The following RMND5A variants were observed in gnomAD, a reference collection of about 807,000 sequenced individuals.
RMND5A encodes E3 ubiquitin-protein transferase RMND5A.
RMND5A carries 17 observed loss-of-function variants against 49.7 expected under a neutral mutation model. The observed-to-expected ratio is 0.34, with a 90% confidence interval of 0.23 to 0.51. The LOEUF (loss-of-function observed/expected upper bound fraction) is 0.51. RMND5A is among the 20% of genes least tolerant of loss of function. The pLI, the probability that RMND5A is intolerant of heterozygous loss-of-function variation, is 0.96. For missense variants in RMND5A, 255 were observed against 471.3 expected, an observed-to-expected ratio of 0.54 and a Z score of 4.25; for synonymous variants, 156 against 167.7, an observed-to-expected ratio of 0.93 and a Z score of 0.54.
At chr2:86,755,378 G>GC in intron 4 of RMND5A, among the ~76,000 whole-genome samples, 1 of 152,220 alleles carries the variant, frequency 6.6e-6, no homozygotes, top group East Asian at 1.9e-4. Flanking sequence ...AGCGTCAGCT[G>GC]CCCGAAGTAC....
rs78853194 is a variant in RMND5A, at chr2:86,757,964, A to G, written c.521+4406A>G. 4.2e-3 allele frequency among the ~76,000 whole-genome samples: 646 copies of G among 152,296 alleles called. 7 individuals carry two copies. Among genetic ancestry groups the G allele is most frequent in the African/African-American group, 0.015 (618 of 41,556 alleles). On this transcript the variant is annotated intron_variant, in intron 4 of 8. Coordinates refer to ENST00000283632, the MANE Select transcript of RMND5A (RefSeq NM_022780.4). ...GGAACAAGAGGAGATTGTTCTAGAA[A>G]ATGTTCAAAGTTCTCAGGCTAAAAT...
At chr2:86,771,310 G>A in intron 7 of RMND5A, 1 of 380,054 alleles carries the variant, frequency 2.6e-6, no homozygotes, top group South Asian at 7.4e-5. Flanking sequence ...CATTAGAGGT[G>A]GTGATCAGGT....
intron 4 of RMND5A, among the ~76,000 whole-genome samples, chr2:86,762,114 G>A (rs1253541339): frequency 6.6e-6 from 1 of 152,140 alleles, no homozygotes; most frequent in Non-Finnish European, 1.5e-5. Context: ...ATTAATACAT[G>A]TTCATTACAG....
At chr2:86,720,968 T>C (rs1356926861) in intron 1 of RMND5A, 159 bp downstream of exon 1, 6 of 578,408 alleles carry the variant, frequency 1.0e-5, no homozygotes, top group African/African-American at 2.0e-5. Context: ...TTTTCCCCTC[T>C]TCGTCCGATT....
At chr2:86,757,240 G>A (rs1049018055) in intron 4 of RMND5A, among the ~76,000 whole-genome samples, 1 of 151,076 alleles carries the variant, frequency 6.6e-6, no homozygotes, top group Non-Finnish European at 1.5e-5. Flanking sequence ...GAGGGCCTAG[G>A]GGAATGGTGA....
chr2:86,747,859 T>G (rs774313498), intron 2 of RMND5A, among the ~76,000 whole-genome samples: 2 of 152,188 alleles, frequency 1.3e-5, no homozygotes, highest in Non-Finnish European at 2.9e-5. Context: ...GTATCAAAGT[T>G]ATTTACTCCT....
At chr2:86,754,008 T>A (rs1322774882) in intron 4 of RMND5A, among the ~76,000 whole-genome samples, 1 of 152,248 alleles carries the variant, frequency 6.6e-6, no homozygotes, top group Non-Finnish European at 1.5e-5. Flanking sequence ...ACTCTATTCT[T>A]AATTACTGTG....
rs758020688 is a variant in RMND5A at position 86,774,075 on chromosome 2, C to T, written c.*664C>T. Reference sequence around the variant, plus strand: ...TAACTGGCTGGTGTGAGAAGTCTTCCGTTAGCATAGAGTGGAAGGAGTACT... The same window carrying T: ...TAACTGGCTGGTGTGAGAAGTCTTCTGTTAGCATAGAGTGGAAGGAGTACT... On this transcript the variant is annotated 3_prime_UTR_variant, in exon 9 of 9. Coordinates refer to ENST00000283632, the MANE Select transcript of RMND5A (RefSeq NM_022780.4). The T allele has an allele frequency of 2.6e-5, 4 of 152,584 alleles. No homozygotes were observed. The highest frequency in any genetic ancestry group is 1.3e-4 in the Admixed American group (2 of 15,284). 9.5% of individuals were successfully genotyped at this position (152,584 alleles called of 1,614,324 possible). A position where few individuals can be genotyped will look rare whatever the true frequency, so the allele number is the denominator to read the frequency against.
chr2:86,758,539 AT>A (rs1286376685), intron 4 of RMND5A, among the ~76,000 whole-genome samples: 1 of 152,202 alleles, frequency 6.6e-6, no homozygotes, highest in African/African-American at 2.4e-5. Context: ...ATGTTGTCCA[AT>A]ATGGTGACCA....
intron 2 of RMND5A, among the ~76,000 whole-genome samples, chr2:86,750,484 T>C (rs889119307): frequency 8.2e-6 from 1 of 122,510 alleles, no homozygotes; most frequent in Non-Finnish European, 1.7e-5. Flanking sequence ...ATTTGAATCA[T>C]GGTTCCCCTG....
chr2:86,767,435 T>TAGTC lies in RMND5A; in HGVS notation c.854+1411_854+1412insAGTC, dbSNP rs1672619215. Among the ~76,000 whole-genome samples the TAGTC allele has an allele frequency of 4.5e-4, 7 of 15,630 alleles. No individual in the cohort carries two copies. The Admixed American group carries it at 5.3e-3, about 12-fold the overall frequency. 10.3% of individuals were successfully genotyped at this position (15,630 alleles called of 152,430 possible). A position where few individuals can be genotyped will look rare whatever the true frequency, so the allele number is the denominator to read the frequency against. On this transcript the variant is annotated intron_variant, in intron 6 of 8. Coordinates refer to ENST00000283632, the MANE Select transcript of RMND5A (RefSeq NM_022780.4). ...CAGGTTTTTGGCAGTCTTTTTTTTT[T>TAGTC]TTTTTTTTTTTGTCTTTTTTCTTAA...
intron 8 of RMND5A, among the ~76,000 whole-genome samples, 189 bp from the exon 9 acceptor site, chr2:86,773,159 A>T (rs1239177778): frequency 6.6e-6 from 1 of 152,204 alleles, no homozygotes; most frequent in Non-Finnish European, 1.5e-5. Flanking sequence ...TGTATTTGTG[A>T]CCCTTCAAAT....
At chr2:86,764,177 G>T (rs1030755402) in intron 4 of RMND5A, among the ~76,000 whole-genome samples, 17 of 152,144 alleles carry the variant, frequency 1.1e-4, no homozygotes, top group African/African-American at 4.1e-4. Context: ...AGTGGTCTTT[G>T]GTGAATTAGG....
intron 4 of RMND5A, 35 bp downstream of exon 4, chr2:86,753,593 G>A: frequency 1.8e-6 from 2 of 1,112,446 alleles, no homozygotes; most frequent in Non-Finnish European, 2.7e-6. Flanking sequence ...TGAGTACTTT[G>A]AGAACTCTCT....
At chr2:86,764,285 TCCTTATTG>T (rs1207964476) in intron 4 of RMND5A, among the ~76,000 whole-genome samples, 7 of 152,200 alleles carry the variant, frequency 4.6e-5, no homozygotes, top group Non-Finnish European at 1.0e-4. Context: ...AAGTACTGTT[TCCTTATTG>T]CCTTATTGCA....
At chr2:86,746,086 C>T (rs1305361548) in intron 2 of RMND5A, among the ~76,000 whole-genome samples, 1 of 152,082 alleles carries the variant, frequency 6.6e-6, no homozygotes, top group East Asian at 1.9e-4. Flanking sequence ...AAAAAAATGA[C>T]ATATAGAATA....
At chr2:86,756,325 G>A (rs902425120) in intron 4 of RMND5A, among the ~76,000 whole-genome samples, 13 of 152,202 alleles carry the variant, frequency 8.5e-5, no homozygotes, top group African/African-American at 1.9e-4. Flanking sequence ...CCCAGGAGGC[G>A]GAGTCTGCAG....
At chr2:86,748,085 ATG>A (rs1269411815) in intron 2 of RMND5A, 1 of 152,184 alleles carries the variant, frequency 6.6e-6, no homozygotes, top group Non-Finnish European at 1.5e-5. Flanking sequence ...TTAATTATAG[ATG>A]GTATTTCTCT....
chr2:86,751,009 T>C (rs998928694), intron 2 of RMND5A, among the ~76,000 whole-genome samples: 1 of 152,220 alleles, frequency 6.6e-6, no homozygotes, highest in African/African-American at 2.4e-5. Flanking sequence ...CATGTTGGCA[T>C]TGGTGTCTGT....
Sources: gnomAD v4.1 joint callset for allele counts (sites outside exome capture counted in the v4.1 genomes callset) on GRCh38, gnomAD v4.1.1 for gene constraint, MANE v1.5 for transcripts, NCBI Gene and HGNC (gene_info 2026-07-23, HGNC 2026-07-21) for gene names.